The following SYT14 variants were observed in gnomAD, a reference collection of about 807,000 sequenced individuals.
SYT14 encodes the protein synaptotagmin 14.
Under a neutral mutation model 74.2 loss-of-function variants are expected in SYT14, and 32 were observed. The ratio of observed to expected loss-of-function variants is 0.43; its 90% CI spans 0.33 to 0.58. The LOEUF (loss-of-function observed/expected upper bound fraction) is 0.58. SYT14 is among the 20% of genes least tolerant of loss of function. SYT14 has a pLI of 0.05. For missense variants in SYT14, 791 were observed against 981.8 expected, an observed-to-expected ratio of 0.81 and a Z score of 2.60; for synonymous variants, 298 against 337.7, an observed-to-expected ratio of 0.88 and a Z score of 1.29.
intron 7 of SYT14, among the ~76,000 whole-genome samples, chr1:210,106,338 G>A (rs2082157083): frequency 2.0e-5 from 3 of 152,154 alleles, no homozygotes; most frequent in Admixed American, 2.0e-4. Flanking sequence ...TCCCCATTTG[G>A]GCTGAGATGG....
intron 5 of SYT14, among the ~76,000 whole-genome samples, chr1:210,090,314 G>T (rs1479293364): frequency 6.6e-6 from 1 of 151,582 alleles, no homozygotes; most frequent in Non-Finnish European, 1.5e-5. Context: ...AATGTATTGA[G>T]ACTTAATTAA....
chr1:210,002,760 A>T (rs1165631195), intron 2 of SYT14, among the ~76,000 whole-genome samples: 1 of 152,162 alleles, frequency 6.6e-6, no homozygotes, highest in Non-Finnish European at 1.5e-5. Context: ...AAGCCTGATC[A>T]GGACTTTGCC....
chr1:210,137,498 C>T (rs1166758649), intron 7 of SYT14, among the ~76,000 whole-genome samples: 1 of 152,048 alleles, frequency 6.6e-6, no homozygotes, highest in South Asian at 2.1e-4. Flanking sequence ...GTCCAGAATC[C>T]TAAGTCCTAG....
chr1:210,017,124 A>G (rs978995537), intron 4 of SYT14: 4 of 1,200,106 alleles, frequency 3.3e-6, no homozygotes, highest in Non-Finnish European at 4.1e-6. Context: ...TGTTGGTGTG[A>G]GTGATTAAAT....
chr1:210,045,460 G>C (rs1443340688), intron 5 of SYT14, among the ~76,000 whole-genome samples: 1 of 151,868 alleles, frequency 6.6e-6, no homozygotes, highest in Non-Finnish European at 1.5e-5. Context: ...TTTTTTTGTT[G>C]TTGTTTTTGC....
chr1:210,103,295 A>G (rs181845832), intron 7 of SYT14, among the ~76,000 whole-genome samples: 238 of 152,258 alleles, frequency 1.6e-3, no homozygotes, highest in African/African-American at 5.5e-3. Context: ...TCACACCTGT[A>G]TTCCCAACAC....
chr1:210,111,302 T>C (rs2082257842), intron 7 of SYT14, among the ~76,000 whole-genome samples: 1 of 151,968 alleles, frequency 6.6e-6, no homozygotes, highest in Admixed American at 6.6e-5. Context: ...CACAAGGTGC[T>C]CAGTGGGGGA....
At chr1:210,017,949 T>C (rs2080219877) in intron 4 of SYT14, among the ~76,000 whole-genome samples, 1 of 152,170 alleles carries the variant, frequency 6.6e-6, no homozygotes, top group Non-Finnish European at 1.5e-5. Flanking sequence ...AAAAGCAGAA[T>C]AGCGGTAATG....
intron 7 of SYT14, among the ~76,000 whole-genome samples, chr1:210,138,424 T>TG (rs1224876792): frequency 1.3e-5 from 2 of 152,142 alleles, no homozygotes; most frequent in Admixed American, 1.3e-4. Flanking sequence ...GAGATTTGGG[T>TG]GGGGACACAG....
chr1:209,950,348 A>C (rs1317301645), intron 1 of SYT14, among the ~76,000 whole-genome samples: 1 of 152,174 alleles, frequency 6.6e-6, no homozygotes. Flanking sequence ...CTAATGTCTC[A>C]AAAATAGCTT....
intron 2 of SYT14, among the ~76,000 whole-genome samples, chr1:209,991,824 C>T (rs992348917): frequency 2.7e-5 from 4 of 149,890 alleles, no homozygotes; most frequent in East Asian, 2.0e-4. Context: ...AGCGAGACTC[C>T]GTCTCGAGAA....
At chr1:210,098,058 C>T (rs1273507553) in intron 6 of SYT14, among the ~76,000 whole-genome samples, 1 of 151,978 alleles carries the variant, frequency 6.6e-6, no homozygotes, top group African/African-American at 2.4e-5. Context: ...GCCTGTGATT[C>T]CAGCTACTCA....
At chr1:209,993,940 G>A (rs2079740023) in intron 2 of SYT14, among the ~76,000 whole-genome samples, 1 of 152,290 alleles carries the variant, frequency 6.6e-6, no homozygotes, top group Middle Eastern at 3.4e-3. Context: ...GAAACCAAGT[G>A]CAAGTGTTTA....
At chr1:210,115,883 G>C (rs765421890) in intron 7 of SYT14, among the ~76,000 whole-genome samples, 1 of 151,272 alleles carries the variant, frequency 6.6e-6, no homozygotes, top group Non-Finnish European at 1.5e-5. Context: ...ACCAGGCTTT[G>C]TGTGAGCAAT....
intron 2 of SYT14, 187 bp downstream of exon 2, chr1:209,952,943 G>T: frequency 8.7e-7 from 1 of 1,149,440 alleles, no homozygotes; most frequent in Non-Finnish European, 1.2e-6. Flanking sequence ...ATTGAGAGTT[G>T]TTGCTTTATA....
At chr1:210,140,150 T>G (rs561041471) in intron 7 of SYT14, among the ~76,000 whole-genome samples, 32 of 152,328 alleles carry the variant, frequency 2.1e-4, no homozygotes, top group African/African-American at 7.2e-4. Flanking sequence ...ATGTAAGCTA[T>G]CCTACTGGGT....
At chr1:210,017,061 G>A in exon 4 of SYT14, 1 of 1,231,718 alleles carries the variant, frequency 8.1e-7, no homozygotes, top group Non-Finnish European at 1.0e-6. Context: ...ACAGCAAAGA[G>A]TAAAGATGAA....
intron 2 of SYT14, among the ~76,000 whole-genome samples, chr1:209,987,322 T>C (rs986576755): frequency 6.6e-6 from 1 of 152,210 alleles, no homozygotes; most frequent in Admixed American, 6.5e-5. Context: ...CTGGATAATT[T>C]ATAAAGAGGT....
intron 7 of SYT14, among the ~76,000 whole-genome samples, chr1:210,105,229 C>T (rs1196921925): frequency 6.6e-6 from 1 of 152,156 alleles, no homozygotes; most frequent in African/African-American, 2.4e-5. Context: ...CTGCTTTTGA[C>T]CAGGGTTTGC....
Sources: allele counts gnomAD v4.1 joint callset (sites outside exome capture counted in the v4.1 genomes callset), GRCh38; gene constraint gnomAD v4.1.1; transcripts MANE v1.5; gene names NCBI Gene and HGNC (gene_info 2026-07-23, HGNC 2026-07-21).